The following SLC4A5 variants were observed in gnomAD, a reference collection of about 807,000 sequenced individuals.
SLC4A5 encodes the protein solute carrier family 4 member 5, also known as electrogenic sodium bicarbonate cotransporter 4.
In SLC4A5, 96 loss-of-function variants were observed where a neutral mutation model predicts 120.4. The observed-to-expected ratio is 0.80, with a 90% CI of 0.68 to 0.94. The LOEUF (loss-of-function observed/expected upper bound fraction) is 0.94. Ranked by LOEUF, SLC4A5 falls within the 40% of genes least tolerant of loss-of-function variation. The pLI is 0.00. For synonymous variants in SLC4A5, 550 were observed against 571.1 expected (o/e 0.96, Z 0.53); for missense variants, 1,259 against 1,459.5 (o/e 0.86, Z 2.24).
At chr2:74,249,006 C>T (rs1457688519) in intron 17 of SLC4A5, among the ~76,000 whole-genome samples, 5 of 152,176 alleles carry the variant, frequency 3.3e-5, no homozygotes, top group African/African-American at 7.2e-5. Context: ...TTCTCAACCT[C>T]GGCACAATGG....
At chr2:74,277,211 C>T (rs960144973) in intron 8 of SLC4A5, among the ~76,000 whole-genome samples, 1 of 152,148 alleles carries the variant, frequency 6.6e-6, no homozygotes, top group Non-Finnish European at 1.5e-5. Context: ...GCTGTGGGAG[C>T]CAGAGATGGA....
chr2:74,313,592 G>A (rs1490188183), intron 6 of SLC4A5, among the ~76,000 whole-genome samples: 1 of 152,170 alleles, frequency 6.6e-6, no homozygotes, highest in Non-Finnish European at 1.5e-5. Flanking sequence ...AAAACGAAGT[G>A]GAGATTCTTA....
At chr2:74,230,392 T>C (rs1419342914) in intron 25 of SLC4A5, among the ~76,000 whole-genome samples, 1 of 152,158 alleles carries the variant, frequency 6.6e-6, no homozygotes, top group Non-Finnish European at 1.5e-5. Flanking sequence ...ACTTAGTCTC[T>C]TAGCTGTTGT....
At chr2:74,247,960 C>T (rs1000894087) in intron 18 of SLC4A5, among the ~76,000 whole-genome samples, 3 of 152,124 alleles carry the variant, frequency 2.0e-5, no homozygotes, top group African/African-American at 2.4e-5. Context: ...TGGAAATGGT[C>T]TGGTCCAAAC....
intron 8 of SLC4A5, among the ~76,000 whole-genome samples, chr2:74,268,781 T>C (rs2104071157): frequency 6.6e-6 from 1 of 152,362 alleles, no homozygotes; most frequent in South Asian, 2.1e-4. Flanking sequence ...CTTTGTTCAT[T>C]TGGTAGTTGA....
At chr2:74,223,031 GTC>G (rs1338551900) in intron 28 of SLC4A5, 79 bp from the exon 29 acceptor site, 5 of 956,288 alleles carry the variant, frequency 5.2e-6, no homozygotes, top group Non-Finnish European at 6.1e-6. Context: ...TTGAGACAGA[GTC>G]TCGCTCTACT....
intron 5 of SLC4A5, among the ~76,000 whole-genome samples, chr2:74,318,089 C>T (rs1202393725): frequency 6.6e-6 from 1 of 151,918 alleles, no homozygotes; most frequent in South Asian, 2.1e-4. Context: ...AGCTTCTACA[C>T]AGCAAAATAA....
rs1694641450 is a variant in SLC4A5, at chr2:74,221,478, A to G, written c.3355T>C (p.Tyr1119His). Residue 1119 changes from tyrosine (Y) to histidine (H), a missense_variant, in exon 30 of 31, where the codon TAC becomes CAC. By Grantham distance (83) the Tyr-to-His change is moderately conservative. Coordinates refer to ENST00000394019, the Ensembl canonical transcript of SLC4A5. Reference sequence around the variant, plus strand: ...CACTGAAGGAAGAATCAGAGTGAGTAACTCCAACTGGAAGATCTTTTTCCT... The same window carrying G: ...CACTGAAGGAAGAATCAGAGTGAGTGACTCCAACTGGAAGATCTTTTTCCT... 7 of 1,614,076 alleles carry G rather than the reference A, an allele frequency of 4.3e-6. No individual in the cohort carries two copies. Among genetic ancestry groups the G allele is most frequent in the Non-Finnish European group, 5.9e-6 (7 of 1,180,020 alleles).
At chr2:74,306,126 A>C (rs902051132) in intron 6 of SLC4A5, among the ~76,000 whole-genome samples, 1 of 152,234 alleles carries the variant, frequency 6.6e-6, no homozygotes, top group Non-Finnish European at 1.5e-5. Flanking sequence ...TTGGACAAGC[A>C]CTGCCATTCT....
At chr2:74,296,501 G>A (rs1013629957) in intron 7 of SLC4A5, among the ~76,000 whole-genome samples, 2 of 151,076 alleles carry the variant, frequency 1.3e-5, no homozygotes, top group Non-Finnish European at 2.9e-5. Context: ...TGTGGCTCAC[G>A]TCTGTAATCC....
intron 7 of SLC4A5, among the ~76,000 whole-genome samples, chr2:74,287,475 A>G (rs553479165): frequency 6.6e-6 from 1 of 152,304 alleles, no homozygotes; most frequent in South Asian, 2.1e-4. Context: ...AGGTAAGAGA[A>G]TGAAATGCCT....
At position 74,259,748 on chromosome 2, in the gene SLC4A5, A is replaced by T. The variant is rs976315306; in HGVS notation, c.812-105T>A. ...CCTCTCCCATGTTCATAACCAAAGCAAACTCCCTCCCCCTTAATCCTGCAG... is the reference window on the plus strand; with the variant it reads ...CCTCTCCCATGTTCATAACCAAAGCTAACTCCCTCCCCCTTAATCCTGCAG... On this transcript the variant is annotated intron_variant, in intron 11 of 30. Coordinates refer to ENST00000394019, the Ensembl canonical transcript of SLC4A5. The T allele has an allele frequency of 1.0e-5, 11 of 1,053,746 alleles. No homozygotes were observed. In the South Asian group the frequency reaches 1.1e-4, roughly 11 times the overall value. The allele number at this position is 1,053,746 out of a possible 1,614,324, so 65.3% of individuals were successfully genotyped here.
chr2:74,342,057 T>C (rs1182419019), intron 2 of SLC4A5, among the ~76,000 whole-genome samples: 1 of 152,208 alleles, frequency 6.6e-6, no homozygotes. Flanking sequence ...AAGAAGCACA[T>C]AGCCCACCTC....
chr2:74,275,451 G>A (rs571996860), intron 8 of SLC4A5, among the ~76,000 whole-genome samples: 15 of 152,330 alleles, frequency 9.8e-5, no homozygotes, highest in African/African-American at 3.6e-4. Flanking sequence ...TGCCCCATGG[G>A]ACTGTCATCT....
At chr2:74,230,719 TAAAA>T (rs199997590) in intron 25 of SLC4A5, among the ~76,000 whole-genome samples, 1 of 152,180 alleles carries the variant, frequency 6.6e-6, no homozygotes, top group Non-Finnish European at 1.5e-5. Flanking sequence ...TTGGTGATGA[TAAAA>T]AACTGCAGTA....
At chr2:74,219,727 T>A (rs1470327716) in intron 30 of SLC4A5, among the ~76,000 whole-genome samples, 7 of 152,160 alleles carry the variant, frequency 4.6e-5, no homozygotes, top group Admixed American at 3.9e-4. Context: ...TTCATGTAGA[T>A]TATTTTATAA....
intron 5 of SLC4A5, among the ~76,000 whole-genome samples, chr2:74,326,923 C>A (rs886241950): frequency 1.3e-5 from 2 of 152,160 alleles, no homozygotes; most frequent in African/African-American, 4.8e-5. Flanking sequence ...GTGGTGGTGA[C>A]ACAGCTAGCT....
chr2:74,290,514 G>T, intron 7 of SLC4A5: 6 of 985,056 alleles, frequency 6.1e-6, no homozygotes, highest in Non-Finnish European at 6.0e-6. Context: ...TATAGGTGTG[G>T]TAAGTGTAAG....
chr2:74,232,504 A>G (rs1388586743), exon 24 of SLC4A5: 1 of 1,613,802 alleles, frequency 6.2e-7, no homozygotes, highest in Non-Finnish European at 8.5e-7. Flanking sequence ...CCCCAGGGGC[A>G]CTGGTCTCTG....
Sources: allele counts gnomAD v4.1 joint callset (sites outside exome capture counted in the v4.1 genomes callset), GRCh38; gene constraint gnomAD v4.1.1; transcripts MANE v1.5; gene names NCBI Gene and HGNC (gene_info 2026-07-23, HGNC 2026-07-21).